Variants in NUP107 observed in about 807,000 individuals in gnomAD.
NUP107 encodes nuclear pore complex protein Nup107.
A neutral mutation model predicts 141.0 loss-of-function variants in NUP107; 101 were observed. The ratio of observed to expected loss-of-function variants is 0.72; its 90% CI spans 0.61 to 0.84. The LOEUF is 0.84. Among genes scored for constraint, NUP107 ranks in the 40% least tolerant of loss-of-function variants. NUP107 has a pLI of 0.00. For missense variants in NUP107, 941 were observed against 1,102.7 expected (o/e 0.85, Z 2.08); for synonymous variants, 319 against 363.9 (o/e 0.88, Z 1.41).
In NUP107 at chr12:68,744,970, G is replaced by T. The variant is rs536922088; in HGVS notation, c.*2508G>T. ...ATACTAAGTTTTAAAAACTTTTCTT[G>T]GTGTGACTTATGCCAAGGAATTATG... is the stretch of plus-strand genomic sequence containing the variant. On this transcript the variant is annotated 3_prime_UTR_variant, in exon 28 of 28. Transcript: ENST00000229179. 1.3e-5 allele frequency: 2 copies of T among 152,282 alleles called. No individual in the cohort carries two copies. The highest frequency in any genetic ancestry group is 4.1e-4 in the South Asian group (2 of 4,828). 9.4% of individuals were successfully genotyped at this position (152,282 alleles called of 1,614,324 possible).
At chr12:68,711,564 G>A (rs1876861571) in intron 10 of NUP107, among the ~76,000 whole-genome samples, 1 of 151,706 alleles carries the variant, frequency 6.6e-6, no homozygotes, top group South Asian at 2.1e-4. Context: ...TAGAATTAAT[G>A]GATAGATACG....
chr12:68,687,291 C>T, intron 1 of NUP107: 1 of 680,056 alleles, frequency 1.5e-6, no homozygotes, highest in South Asian at 2.6e-5. Context: ...CCTTACTTTC[C>T]CACTACGTTC....
At chr12:68,697,581 C>A (rs991959397) in intron 6 of NUP107, among the ~76,000 whole-genome samples, 1 of 152,106 alleles carries the variant, frequency 6.6e-6, no homozygotes, top group African/African-American at 2.4e-5. Flanking sequence ...ACACCTTTAC[C>A]TGTGTAACAA....
rs761866015 is a variant in NUP107 at position 68,731,688 on chromosome 12, T to C, written c.1967T>C (p.Leu656Pro). The change falls in exon 22 of 28, where the codon CTG (leucine) becomes CCG (proline). Residue 656 changes from leucine (L) to proline (P), a missense_variant. Physicochemically the swap from Leu to Pro is moderately conservative, Grantham distance 98. Coordinates refer to ENST00000229179, the MANE Select transcript of NUP107 (RefSeq NM_020401.4). ...AATGGTGAATTTAGTCATCATGACC[T>C]GGCCCCAGCCCTAGATACTGGCACT... ...KDNGEFSHHD[L>P]APALDTGTTE... The C allele has an allele frequency of 8.8e-6, 14 of 1,583,762 alleles. No individual in the cohort carries two copies. Among genetic ancestry groups the C allele is most frequent in the Admixed American group, 1.9e-5 (1 of 51,916 alleles).
chr12:68,687,564 A>G (rs1353485728), intron 1 of NUP107: 2 of 989,772 alleles, frequency 2.0e-6, no homozygotes, highest in Non-Finnish European at 2.4e-6. Flanking sequence ...TTAGTTGTGT[A>G]ATGGAGACAA....
At chr12:68,694,712 A>T (rs1276356671) in intron 5 of NUP107, among the ~76,000 whole-genome samples, 2 of 152,094 alleles carry the variant, frequency 1.3e-5, no homozygotes, top group Admixed American at 1.3e-4. Flanking sequence ...GACCAGCCTG[A>T]CCAATGTGGA....
At chr12:68,709,561 T>C (rs1040990699) in intron 9 of NUP107, among the ~76,000 whole-genome samples, 1 of 152,174 alleles carries the variant, frequency 6.6e-6, no homozygotes, top group Admixed American at 6.5e-5. Flanking sequence ...ATAATATTTA[T>C]TTATCTTAAA....
chr12:68,738,135 G>A (rs111881570), intron 26 of NUP107, among the ~76,000 whole-genome samples: 30,088 of 152,112 alleles, frequency 0.2, 3,775 homozygotes, highest in South Asian at 0.47. Context: ...AACTAGCCAG[G>A]CATGGTGGCA....
chr12:68,696,695 A>G (rs1393095530), intron 5 of NUP107, 124 bp from the exon 6 acceptor site: 2 of 582,694 alleles, frequency 3.4e-6, no homozygotes, highest in Non-Finnish European at 5.9e-6. Context: ...CCTGGACAAC[A>G]AGAGTGAAAC....
chr12:68,718,803 A>C (rs1373633707), intron 12 of NUP107, among the ~76,000 whole-genome samples: 2 of 152,136 alleles, frequency 1.3e-5, no homozygotes, highest in South Asian at 2.1e-4. Flanking sequence ...ATAAAGGCAG[A>C]GGCCACAGAA....
chr12:68,733,413 A>G, intron 23 of NUP107, 39 bp from the exon 24 acceptor site: 1 of 1,565,504 alleles, frequency 6.4e-7, no homozygotes, highest in Non-Finnish European at 8.6e-7. Context: ...ATTACAGAGA[A>G]GTCCGTAGGC....
intron 17 of NUP107, among the ~76,000 whole-genome samples, chr12:68,722,458 T>A (rs1877395471): frequency 1.3e-5 from 2 of 152,118 alleles, no homozygotes; most frequent in South Asian, 4.1e-4. Context: ...TAATATTTTC[T>A]AAAAATTATA....
At chr12:68,738,838 A>G (rs537807832) in intron 26 of NUP107, among the ~76,000 whole-genome samples, 1 of 152,272 alleles carries the variant, frequency 6.6e-6, no homozygotes, top group East Asian at 1.9e-4. Flanking sequence ...ATACAGATGG[A>G]CTAGTGACCC....
chr12:68,693,527 G>A (rs964528223), intron 5 of NUP107, among the ~76,000 whole-genome samples: 3 of 152,162 alleles, frequency 2.0e-5, no homozygotes, highest in Non-Finnish European at 4.4e-5. Flanking sequence ...CAATTCTGGA[G>A]CCTAGATGTC....
intron 11 of NUP107, chr12:68,714,351 T>C (rs938108732): frequency 6.6e-6 from 1 of 152,174 alleles, no homozygotes; most frequent in Non-Finnish European, 1.5e-5. Flanking sequence ...GAAAATTGTT[T>C]GGGAAAAAGA....
Position 68,725,837 on chromosome 12 carries a change from G to GTTTTTTTT in NUP107, c.1576+51_1576+58dup, listed in dbSNP as rs373666468. 6 of 621,662 alleles carry GTTTTTTTT rather than the reference G, an allele frequency of 9.7e-6. 1 individual carries two copies. Among genetic ancestry groups the GTTTTTTTT allele is most frequent in the Admixed American group, 3.5e-5 (1 of 28,680 alleles). 38.5% of individuals were successfully genotyped at this position (621,662 alleles called of 1,614,324 possible). A position where few individuals can be genotyped will look rare whatever the true frequency, so the allele number is the denominator to read the frequency against. On this transcript the variant is annotated intron_variant, in intron 18 of 27. Transcript: ENST00000229179. Reference sequence around the variant, plus strand: ...ATTTTACTTTGTGTTTTTTGTGTGTGTTTTTTTTTTTTTTTTTGAGACAAA... The same window carrying GTTTTTTTT: ...ATTTTACTTTGTGTTTTTTGTGTGTGTTTTTTTTTTTTTTTTTTTTTTTTTGAGACAAA...
intron 8 of NUP107, chr12:68,706,642 C>G: frequency 1.4e-6 from 1 of 717,580 alleles, no homozygotes; most frequent in Non-Finnish European, 2.6e-6. Context: ...ATCGCAGATG[C>G]TGAGCAGCAT....
rs1878447448 is a variant in NUP107, at chr12:68,744,565, G to A, written c.*2103G>A. 6.6e-6 allele frequency: 1 copy of A among 152,148 alleles called. No homozygotes were observed. Among genetic ancestry groups the A allele is most frequent in the Non-Finnish European group, 1.5e-5 (1 of 68,086 alleles). 9.4% of individuals were successfully genotyped at this position (152,148 alleles called of 1,614,324 possible). ...CGCCTGGCTAATTTTTGTATTTTTA[G>A]TAGAGACGGGGTTTTGCCATGTTGG... On this transcript the variant is annotated 3_prime_UTR_variant, in exon 28 of 28. Transcript: ENST00000229179.
chr12:68,687,392 A>G, intron 1 of NUP107: 3 of 1,069,960 alleles, frequency 2.8e-6, no homozygotes, highest in Non-Finnish European at 3.5e-6. Context: ...CTAAGTGACC[A>G]GCCTGAGATC....
Sources: allele counts gnomAD v4.1 joint callset (sites outside exome capture counted in the v4.1 genomes callset), GRCh38; gene constraint gnomAD v4.1.1; transcripts MANE v1.5; gene names NCBI Gene and HGNC (gene_info 2026-07-23, HGNC 2026-07-21).